The following FBLN5 variants were observed in gnomAD, a reference collection of about 807,000 sequenced individuals.
FBLN5 encodes fibulin 5, also known as fibulin-5.
Under a neutral mutation model 61.6 loss-of-function variants are expected in FBLN5, and 24 were observed. The ratio of observed to expected loss-of-function variants is 0.39; its 90% confidence interval spans 0.28 to 0.55. The LOEUF (loss-of-function observed/expected upper bound fraction) is 0.55. Ranked by LOEUF, FBLN5 falls within the 20% of genes least tolerant of loss-of-function variation. The probability of loss-of-function intolerance (pLI) is 0.65; values close to 1 mark genes in which losing one functional copy is unlikely to be tolerated. For synonymous variants in FBLN5, 213 were observed against 219.8 expected, an observed-to-expected ratio of 0.97 and a Z score of 0.27; for missense variants, 470 against 594.1, an observed-to-expected ratio of 0.79 and a Z score of 2.17.
At chr14:91,883,155 T>C in intron 7 of FBLN5, 79 bp from the exon 8 acceptor site, 1 of 1,492,676 alleles carries the variant, frequency 6.7e-7, no homozygotes, top group Non-Finnish European at 9.3e-7. Context: ...CTACTCCAAC[T>C]CTCACACTGT....
At chr14:91,906,537 CA>C (rs1890694088) in intron 4 of FBLN5, among the ~76,000 whole-genome samples, 1 of 152,244 alleles carries the variant, frequency 6.6e-6, no homozygotes, top group South Asian at 2.1e-4. Flanking sequence ...CCCTGCTCCC[CA>C]TCACCCTTTG....
At chr14:91,891,456 C>A in intron 5 of FBLN5, 119 bp from the exon 6 acceptor site, 1 of 772,020 alleles carries the variant, frequency 1.3e-6, no homozygotes, top group Non-Finnish European at 2.4e-6. Flanking sequence ...CAAATGGGAA[C>A]AGGAGCCAAG....
chr14:91,898,220 C>T (rs570889845), intron 4 of FBLN5, among the ~76,000 whole-genome samples: 20 of 150,716 alleles, frequency 1.3e-4, no homozygotes, highest in South Asian at 1.0e-3. Context: ...GCGGGGGGGG[C>T]GGAATCTCTC....
At chr14:91,876,253 G>A (rs531138944) in intron 10 of FBLN5, among the ~76,000 whole-genome samples, 2 of 152,322 alleles carry the variant, frequency 1.3e-5, no homozygotes, top group South Asian at 4.1e-4. Flanking sequence ...GAAGATTTCT[G>A]TCTTCCTGCC....
At chr14:91,934,390 C>T (rs1365739151) in intron 4 of FBLN5, among the ~76,000 whole-genome samples, 1 of 152,160 alleles carries the variant, frequency 6.6e-6, no homozygotes, top group Non-Finnish European at 1.5e-5. Context: ...GCTTCGGTTT[C>T]CTCATGGGTA....
At chr14:91,940,050 G>A in intron 3 of FBLN5, 1 of 438,948 alleles carries the variant, frequency 2.3e-6, no homozygotes, top group Admixed American at 2.6e-5. Flanking sequence ...AAAGCAGGAG[G>A]CTTCTAAAAG....
intron 4 of FBLN5, among the ~76,000 whole-genome samples, chr14:91,895,746 C>T (rs553602033): frequency 9.3e-5 from 13 of 139,484 alleles, no homozygotes; most frequent in South Asian, 4.5e-4. Context: ...TGCAGTGAGC[C>T]GAGATCGCAC....
At chr14:91,911,458 G>A (rs12589592) in intron 4 of FBLN5, among the ~76,000 whole-genome samples, 42,996 of 152,064 alleles carry the variant, frequency 0.28, 6,777 homozygotes, top group Non-Finnish European at 0.36. Context: ...TTGGCCCTCA[G>A]TCAAGACTGG....
chr14:91,919,975 G>A (rs1454325022), intron 4 of FBLN5, among the ~76,000 whole-genome samples: 2 of 152,156 alleles, frequency 1.3e-5, no homozygotes, highest in Non-Finnish European at 2.9e-5. Context: ...GAAGTAGACT[G>A]CCTTGTCCTT....
chr14:91,902,834 G>C (rs1330503566), intron 4 of FBLN5, among the ~76,000 whole-genome samples: 1 of 152,164 alleles, frequency 6.6e-6, no homozygotes, highest in Non-Finnish European at 1.5e-5. Context: ...GAGAGTCTAA[G>C]AGGGAATTTA....
intron 9 of FBLN5, among the ~76,000 whole-genome samples, chr14:91,880,881 C>A (rs1433636440): frequency 1.3e-5 from 2 of 152,000 alleles, no homozygotes; most frequent in African/African-American, 4.8e-5. Flanking sequence ...GTGTTGTGGT[C>A]AAACATTTTG....
chr14:91,882,243 GA>G lies in FBLN5; in HGVS notation c.862+710del, dbSNP rs1370714379. Among the ~76,000 whole-genome samples the G allele has an allele frequency of 6.6e-6, 1 of 152,200 alleles. No homozygotes were observed. Among genetic ancestry groups the G allele is most frequent in the African/African-American group, 2.4e-5 (1 of 41,444 alleles). On this transcript the variant is annotated intron_variant, in intron 8 of 10. Transcript: ENST00000342058. The surrounding 1 kb of genome is among the most constrained non-coding windows in gnomAD (Gnocchi z 4.9). ...TTTTCCTCTTTTAATGTGGCTAATA[GA>G]AAATGTAAAATTACATAGATGGCTC...
chr14:91,909,214 G>C (rs1203036827), intron 4 of FBLN5, among the ~76,000 whole-genome samples: 1 of 152,154 alleles, frequency 6.6e-6, no homozygotes, highest in East Asian at 1.9e-4. Context: ...ACCGCGCCCG[G>C]CCAGGAATCA....
intron 4 of FBLN5, among the ~76,000 whole-genome samples, chr14:91,933,693 A>G (rs1348587043): frequency 6.6e-6 from 1 of 152,210 alleles, no homozygotes; most frequent in Non-Finnish European, 1.5e-5. Context: ...TAAAGAAGAA[A>G]GGAGATTGTG....
At position 91,899,293 on chromosome 14, in the gene FBLN5, A is replaced by C. The variant is rs1890360681; in HGVS notation, c.380-4221T>G. ...GCTCCCTCCTGGCTGCTGTCACACC[A>C]GTCGGGTGCCTGGGCACTTGGAGGA... On this transcript the variant is annotated intron_variant, in intron 4 of 10. Transcript: ENST00000342058. 2.0e-5 allele frequency among the ~76,000 whole-genome samples: 3 copies of C among 152,230 alleles called. No homozygotes were observed. The South Asian group carries it at 6.2e-4, about 32-fold the overall frequency.
intron 2 of FBLN5, among the ~76,000 whole-genome samples, chr14:91,941,530 A>G (rs1424551292): frequency 1.3e-5 from 2 of 152,006 alleles, no homozygotes; most frequent in African/African-American, 2.4e-5. Flanking sequence ...ATTTGCAGAG[A>G]TGATGTATAT....
At chr14:91,880,589 C>A (rs1304510810) in intron 9 of FBLN5, among the ~76,000 whole-genome samples, 1 of 150,596 alleles carries the variant, frequency 6.6e-6, no homozygotes, top group African/African-American at 2.4e-5. Context: ...ACTCTGTCAC[C>A]CAGACTGGAC....
chr14:91,945,926 T>A (rs2056176485), intron 1 of FBLN5, among the ~76,000 whole-genome samples: 1 of 152,224 alleles, frequency 6.6e-6, no homozygotes. Flanking sequence ...TTTTCCAGTC[T>A]GTGTATTATG....
intron 4 of FBLN5, among the ~76,000 whole-genome samples, chr14:91,903,740 T>G (rs1015376087): frequency 2.6e-5 from 4 of 152,182 alleles, no homozygotes; most frequent in Non-Finnish European, 5.9e-5. Flanking sequence ...TCCTTAAATC[T>G]TCCCTTCACG....
Sources: gnomAD v4.1 joint callset for allele counts (sites outside exome capture counted in the v4.1 genomes callset) on GRCh38, gnomAD v4.1.1 for gene constraint, Gnocchi (gnomAD v3.1) non-coding constraint, MANE v1.5 for transcripts, NCBI Gene and HGNC (gene_info 2026-07-23, HGNC 2026-07-21) for gene names.